UNG: variants seen among roughly 807,000 people sequenced by gnomAD.
The protein encoded by UNG is uracil-DNA glycosylase.
A neutral mutation model predicts 36.5 loss-of-function variants in UNG; 34 were observed. The observed-to-expected ratio is 0.93, with a 90% CI of 0.71 to 1.24. UNG has a LOEUF of 1.24. UNG is among the 50% of genes most tolerant of loss of function. The pLI is 0.00. For missense variants in UNG, 391 were observed against 397.6 expected (o/e 0.98, Z 0.14); for synonymous variants, 172 against 157.8 (o/e 1.09, Z -0.67).
chr12:109,105,632 C>T (rs1303333556), intron 6 of UNG, among the ~76,000 whole-genome samples: 1 of 152,220 alleles, frequency 6.6e-6, no homozygotes, highest in Non-Finnish European at 1.5e-5. Flanking sequence ...CCTCTGCACT[C>T]CCTAGCAGCA....
chr12:109,101,758 C>T lies in UNG; in HGVS notation c.436-144C>T, dbSNP rs147467825. The stretch of plus-strand genomic sequence containing the variant: ...TACATATCTTTACAAGTTTAAAATA[C>T]GCTTAGCCTTTGACCAGCAACTCTG... On this transcript the variant is annotated intron_variant, in intron 3 of 6. Coordinates refer to ENST00000242576, the MANE Select transcript of UNG (RefSeq NM_080911.3). 65 of 720,824 alleles carry T rather than the reference C, an allele frequency of 9.0e-5. 1 individual carries two copies. Among genetic ancestry groups the T allele is most frequent in the South Asian group, 3.4e-4 (23 of 66,990 alleles). The allele number at this position is 720,824 out of a possible 1,614,324, so 44.7% of individuals were successfully genotyped here. A position where few individuals can be genotyped will look rare whatever the true frequency, so the allele number is the denominator to read the frequency against.
chr12:109,098,433 C>T lies in UNG; in HGVS notation c.134C>T (p.Ala45Val), dbSNP rs768590866. ...CGCCTCTGCGGGGACCACTTGCAGG[C>T]CATCCCAGCCAAGAAGGCCCCGGCT... ...GVPEESGDAA[A>V]IPAKKAPAGQ... is the part of the protein sequence containing the mutation. The change falls in exon 2 of 7, where the codon GCC becomes GTC. Residue 45 changes from alanine (A) to valine (V), a missense_variant and splice_region_variant. Coordinates refer to ENST00000242576, the MANE Select transcript of UNG (RefSeq NM_080911.3). The T allele has an allele frequency of 3.7e-6, 6 of 1,606,796 alleles. No individual in the cohort carries two copies. The highest frequency in any genetic ancestry group is 1.3e-5 in the African/African-American group (1 of 74,736).
intron 3 of UNG, among the ~76,000 whole-genome samples, chr12:109,100,323 C>T (rs1027396955): frequency 2.0e-5 from 3 of 152,214 alleles, no homozygotes; most frequent in African/African-American, 7.2e-5. Flanking sequence ...ATGCATTTAG[C>T]ACCTGCTGAC....
At position 109,110,062 on chromosome 12, in the gene UNG, A is replaced by C; in HGVS notation, c.*93A>C. 1 of 1,566,918 alleles carries C rather than the reference A, an allele frequency of 6.4e-7. No individual in the cohort carries two copies. The highest frequency in any genetic ancestry group is 2.3e-5 in the East Asian group (1 of 44,276). On this transcript the variant is annotated 3_prime_UTR_variant, in exon 7 of 7. Transcript: ENST00000242576. ...AAAATTTTCCTATTAATTCTTAAGT[A>C]CTCTGCATAAGGGGGAAAAGCTTCC...
intron 2 of UNG, 25 bp downstream of exon 2, chr12:109,098,663 T>C (rs759177905): frequency 6.2e-7 from 1 of 1,613,092 alleles, no homozygotes; most frequent in Non-Finnish European, 8.5e-7. Context: ...GCACCTTCCA[T>C]AAGGGTAAAT....
At chr12:109,102,794 A>G (rs989581223) in intron 4 of UNG, 45 bp from the exon 5 acceptor site, 12 of 1,495,774 alleles carry the variant, frequency 8.0e-6, no homozygotes, top group Non-Finnish European at 1.1e-5. Context: ...TTTCAAAATT[A>G]TGCTTAAGAT....
At chr12:109,107,601 C>A (rs1484442769) in intron 6 of UNG, among the ~76,000 whole-genome samples, 1 of 146,334 alleles carries the variant, frequency 6.8e-6, no homozygotes, top group East Asian at 2.1e-4. Flanking sequence ...TCTCAGTTCA[C>A]TGCAGCCTCC....
intron 6 of UNG, among the ~76,000 whole-genome samples, chr12:109,106,216 G>C (rs2042214190): frequency 6.6e-6 from 1 of 152,152 alleles, no homozygotes; most frequent in Non-Finnish European, 1.5e-5. Flanking sequence ...AAGCTGGGCG[G>C]TATTGTTATT....
At chr12:109,101,532 C>T (rs948986574) in intron 3 of UNG, among the ~76,000 whole-genome samples, 2 of 151,808 alleles carry the variant, frequency 1.3e-5, no homozygotes, top group African/African-American at 2.4e-5. Context: ...ATAAGGGAGG[C>T]CGTGTGTCTA....
chr12:109,109,959 A>C lies in UNG; in HGVS notation c.932A>C (p.Lys311Thr). The change falls in exon 7 of 7, where the codon AAG (lysine) becomes ACG (threonine). Residue 311 changes from lysine to threonine, a missense_variant. By Grantham distance (78) the Lys-to-Thr change is moderately conservative. Transcript: ENST00000242576. ...QKSGKKPIDW[K>T]EL is the part of the protein sequence containing the mutation. Reference sequence around the variant, plus strand: ...TCTGGCAAGAAGCCCATTGACTGGAAGGAGCTGTGATCATCAGCTGAGGGG... The same window carrying C: ...TCTGGCAAGAAGCCCATTGACTGGACGGAGCTGTGATCATCAGCTGAGGGG... The C allele has an allele frequency of 6.2e-7, 1 of 1,614,170 alleles. No homozygotes were observed. The highest frequency in any genetic ancestry group is 8.5e-7 in the Non-Finnish European group (1 of 1,180,028).
chr12:109,103,485 T>G lies in UNG; in HGVS notation c.675T>G (p.Ser225=), dbSNP rs757468761. 10 of 1,614,204 alleles carry G rather than the reference T, an allele frequency of 6.2e-6. No individual in the cohort carries two copies. In the East Asian group the frequency reaches 2.2e-4, roughly 36 times the overall value. Residue 225 remains serine (S), a synonymous_variant, in exon 6 of 7, where the codon TCT becomes TCG. Coordinates refer to ENST00000242576, the MANE Select transcript of UNG (RefSeq NM_080911.3). ...VLTVRAHQAN[S]HKERGWEQFT... Reference sequence around the variant, plus strand: ...CGGTTCGTGCCCATCAAGCCAACTCTCATAAGGAGCGAGGCTGGGAGCAGT... The same window carrying G: ...CGGTTCGTGCCCATCAAGCCAACTCGCATAAGGAGCGAGGCTGGGAGCAGT...
chr12:109,105,581 G>A (rs1252360089), intron 6 of UNG, among the ~76,000 whole-genome samples: 2 of 152,126 alleles, frequency 1.3e-5, no homozygotes, highest in Admixed American at 6.6e-5. Flanking sequence ...TTTTCCAAAC[G>A]AAGTTTCTCC....
Position 109,097,829 on chromosome 12 carries a change from C to G in UNG, c.132+18C>G, listed in dbSNP as rs1266540246. The G allele has an allele frequency of 6.5e-7, 1 of 1,531,766 alleles. No homozygotes were observed. The highest frequency in any genetic ancestry group is 2.0e-5 in the Admixed American group (1 of 49,974). The allele number at this position is 1,531,766 out of a possible 1,614,324, so 94.9% of individuals were successfully genotyped here. On this transcript the variant is annotated intron_variant, in intron 1 of 6. Transcript: ENST00000242576. ...ATGCGGCGGTGAGGCGCGGCTTGGG[C>G]CGGGGCTAGGGGGTGAAGGGGGAGG...
chr12:109,101,771 A>G (rs1387174894), intron 3 of UNG, 131 bp from the exon 4 acceptor site: 5 of 776,834 alleles, frequency 6.4e-6, no homozygotes, highest in Non-Finnish European at 1.1e-5. Context: ...TTAGCCTTTG[A>G]CCAGCAACTC....
chr12:109,099,327 CAA>C, intron 3 of UNG, 43 bp downstream of exon 3: 1 of 1,530,320 alleles, frequency 6.5e-7, no homozygotes, highest in South Asian at 1.1e-5. Context: ...GAGAAGGAGT[CAA>C]ATAGTATTTT....
intron 6 of UNG, among the ~76,000 whole-genome samples, chr12:109,103,900 C>A (rs2042197839): frequency 6.6e-6 from 1 of 151,976 alleles, no homozygotes; most frequent in African/African-American, 2.4e-5. Context: ...GATACAAGTC[C>A]CTGGGTACCA....
chr12:109,102,778 C>A, intron 4 of UNG, 61 bp from the exon 5 acceptor site: 2 of 1,386,966 alleles, frequency 1.4e-6, no homozygotes, highest in South Asian at 1.2e-5. Flanking sequence ...TTAGACGTTA[C>A]TGAGCTTTCA....
chr12:109,098,100 G>A, intron 1 of UNG: 3 of 1,385,980 alleles, frequency 2.2e-6, no homozygotes, highest in Admixed American at 3.2e-5. Context: ...GGGACCCAGA[G>A]GGAGGTTTTT....
intron 6 of UNG, among the ~76,000 whole-genome samples, chr12:109,109,309 G>A (rs2042241907): frequency 6.6e-6 from 1 of 152,144 alleles, no homozygotes; most frequent in Non-Finnish European, 1.5e-5. Context: ...TGAAGGCAGA[G>A]GGTGGTGCTC....
Sources: gnomAD v4.1 joint callset for allele counts (sites outside exome capture counted in the v4.1 genomes callset) on GRCh38, gnomAD v4.1.1 for gene constraint, MANE v1.5 for transcripts, NCBI Gene and HGNC (gene_info 2026-07-23, HGNC 2026-07-21) for gene names.